Variants in SYT13 observed in about 807,000 individuals in gnomAD.
The protein encoded by SYT13 is synaptotagmin 13, also known as synaptotagmin-13.
In SYT13, 21 loss-of-function variants were observed where a neutral mutation model predicts 38.6. The ratio of observed to expected loss-of-function variants is 0.54; its 90% CI spans 0.39 to 0.78. The LOEUF is 0.78. Among genes scored for constraint, SYT13 ranks in the 30% least tolerant of loss-of-function variants. The pLI is 0.00. For missense variants in SYT13, 495 were observed against 548.7 expected (o/e 0.90, Z 0.98); for synonymous variants, 241 against 237.6 (o/e 1.01, Z -0.13).
At chr11:45,254,473 C>T in intron 2 of SYT13, 69 bp from the exon 3 acceptor site, 2 of 1,557,444 alleles carry the variant, frequency 1.3e-6, no homozygotes, top group Non-Finnish European at 1.7e-6. Flanking sequence ...ACACCTTTCT[C>T]ATCTCTATCA....
rs1327144653 is a variant in SYT13, at chr11:45,243,242, C to G, written c.*810G>C. On this transcript the variant is annotated 3_prime_UTR_variant, in exon 6 of 6. Transcript: ENST00000020926. ...TCAATAAAAAGCACAAAATTCAGTC[C>G]AAGAGCAGGGGGCTTATGAAATGCA... The G allele has an allele frequency of 1.3e-5, 2 of 152,082 alleles. No homozygotes were observed. Among genetic ancestry groups the G allele is most frequent in the Admixed American group, 6.5e-5 (1 of 15,280 alleles). The allele number at this position is 152,082 out of a possible 1,614,324, so 9.4% of individuals were successfully genotyped here.
Position 45,286,118 on chromosome 11 carries a change from A to C in SYT13, c.90T>G (p.Cys30Trp). 6.2e-7 allele frequency: 1 copy of C among 1,602,428 alleles called. No homozygotes were observed. The highest frequency in any genetic ancestry group is 1.3e-5 in the African/African-American group (1 of 75,016). ...GCCCCTTCTTGGGGTGCATGTGCCG[A>C]CACAGGCAGGTGACCCCGCACAACG... ...ILALCGVTCL[C>W]RHMHPKKGLL... Residue 30 changes from cysteine to tryptophan, a missense_variant, in exon 1 of 6, where the codon TGT (cysteine) becomes TGG (tryptophan). Transcript: ENST00000020926.
intron 1 of SYT13, among the ~76,000 whole-genome samples, chr11:45,271,812 C>T (rs1321043374): frequency 6.6e-6 from 1 of 152,096 alleles, no homozygotes; most frequent in African/African-American, 2.4e-5. Flanking sequence ...AGGGAGGAAT[C>T]CAAGAGTGAG....
chr11:45,274,625 A>T (rs1854988061), intron 1 of SYT13, among the ~76,000 whole-genome samples: 1 of 152,206 alleles, frequency 6.6e-6, no homozygotes, highest in African/African-American at 2.4e-5. Context: ...AATAAGCTTA[A>T]AGCTAACAGA....
intron 1 of SYT13, among the ~76,000 whole-genome samples, chr11:45,262,308 G>A (rs1251914831): frequency 6.6e-6 from 1 of 152,210 alleles, no homozygotes; most frequent in Non-Finnish European, 1.5e-5. Context: ...GGATGCCAGA[G>A]GCTGGGGCAG....
rs964635663 is a variant in SYT13 at position 45,241,376 on chromosome 11, T to C, written c.*2676A>G. 5 of 152,146 alleles carry C rather than the reference T, an allele frequency of 3.3e-5. No individual in the cohort carries two copies. Among genetic ancestry groups the C allele is most frequent in the Non-Finnish European group, 5.9e-5 (4 of 68,032 alleles). The allele number at this position is 152,146 out of a possible 1,614,324, so 9.4% of individuals were successfully genotyped here. ...ACAGACAACTCTCCTTCAAAATGTATCTCATTTCTGTAATCCCTGCTAAGT... is the reference window on the plus strand; with the variant it reads ...ACAGACAACTCTCCTTCAAAATGTACCTCATTTCTGTAATCCCTGCTAAGT... On this transcript the variant is annotated 3_prime_UTR_variant, in exon 6 of 6. Coordinates refer to ENST00000020926, the MANE Select transcript of SYT13 (RefSeq NM_020826.3).
Position 45,246,493 on chromosome 11 carries a change from C to A in SYT13, c.866G>T (p.Gly289Val). The A allele has an allele frequency of 6.2e-7, 1 of 1,614,078 alleles. No homozygotes were observed. The part of the protein sequence containing the change: ...TSAKEPSAGA[G>V]EVLLSISYLP... The stretch of plus-strand genomic sequence containing the variant: ...GTAGCTGATGGATAGTAGGACCTCT[C>A]CAGCTCCTGCAGATGGCTCCTGAAA... The change falls in exon 5 of 6, where the codon GGA becomes GTA. Residue 289 changes from glycine to valine, a missense_variant. Transcript: ENST00000020926.
chr11:45,281,123 G>A (rs1419292211), intron 1 of SYT13, among the ~76,000 whole-genome samples: 1 of 151,930 alleles, frequency 6.6e-6, no homozygotes, highest in East Asian at 1.9e-4. Flanking sequence ...TTGAACCCAG[G>A]AGGCAGAGGT....
At chr11:45,281,053 G>A (rs915978692) in intron 1 of SYT13, among the ~76,000 whole-genome samples, 3 of 151,888 alleles carry the variant, frequency 2.0e-5, no homozygotes, top group Admixed American at 6.6e-5. Flanking sequence ...AAGATTAGCC[G>A]GGCATGGTGG....
At chr11:45,255,976 C>A (rs1050915689) in intron 1 of SYT13, 85 bp from the exon 2 acceptor site, 2 of 1,395,540 alleles carry the variant, frequency 1.4e-6, no homozygotes, top group Non-Finnish European at 2.0e-6. Context: ...GGTGAACTGA[C>A]CTGTTGTAGG....
At chr11:45,248,960 G>T (rs934618739) in intron 4 of SYT13, among the ~76,000 whole-genome samples, 1 of 152,078 alleles carries the variant, frequency 6.6e-6, no homozygotes, top group Non-Finnish European at 1.5e-5. Context: ...GGTTTTCCCT[G>T]CCCCTCTCTT....
rs904313628 is a variant in SYT13 at position 45,259,614 on chromosome 11, C to T, written c.184-3723G>A. On this transcript the variant is annotated intron_variant, in intron 1 of 5. Transcript: ENST00000020926. ...ATATCCATTCCCTCTCCCATCTACC[C>T]GCCCTACACAACACCAGGTTGTCTA... 5.3e-5 allele frequency among the ~76,000 whole-genome samples: 8 copies of T among 152,260 alleles called. No homozygotes were observed. The East Asian group carries it at 5.8e-4, about 11-fold the overall frequency.
At chr11:45,250,014 A>G (rs1854653942) in intron 4 of SYT13, among the ~76,000 whole-genome samples, 1 of 152,132 alleles carries the variant, frequency 6.6e-6, no homozygotes, top group African/African-American at 2.4e-5. Flanking sequence ...CAAGTCTGTT[A>G]ACCCATCTGG....
Position 45,243,285 on chromosome 11 carries a change from A to C in SYT13, c.*767T>G, listed in dbSNP as rs867922801. On this transcript the variant is annotated 3_prime_UTR_variant, in exon 6 of 6. Coordinates refer to ENST00000020926, the MANE Select transcript of SYT13 (RefSeq NM_020826.3). ...GAAATGCACAAATTAAAGTATTAAG[A>C]ATTAAAATAATTAAATTAAAAAGCT... is the stretch of plus-strand genomic sequence containing the variant. The C allele has an allele frequency of 6.6e-6, 1 of 152,248 alleles. No homozygotes were observed. The highest frequency in any genetic ancestry group is 6.5e-5 in the Admixed American group (1 of 15,290). 9.4% of individuals were successfully genotyped at this position (152,248 alleles called of 1,614,324 possible).
At position 45,246,371 on chromosome 11, in the gene SYT13, C is replaced by T; in HGVS notation, c.976+12G>A. On this transcript the variant is annotated intron_variant, in intron 5 of 5. Transcript: ENST00000020926. ...TGGAGGGGCCTTGGCCATCCTCTCA[C>T]ATCTCACTCACCCTTCCCCAGGAGC... The T allele has an allele frequency of 1.9e-6, 3 of 1,613,090 alleles. No homozygotes were observed. Among genetic ancestry groups the T allele is most frequent in the Non-Finnish European group, 1.7e-6 (2 of 1,179,604 alleles).
In SYT13 at chr11:45,242,323, C is replaced by T. The variant is rs1854561337; in HGVS notation, c.*1729G>A. 6.6e-6 allele frequency: 1 copy of T among 152,172 alleles called. No individual in the cohort carries two copies. The highest frequency in any genetic ancestry group is 2.4e-5 in the African/African-American group (1 of 41,420). The allele number at this position is 152,172 out of a possible 1,614,324, so 9.4% of individuals were successfully genotyped here. A position where few individuals can be genotyped will look rare whatever the true frequency, so the allele number is the denominator to read the frequency against. On this transcript the variant is annotated 3_prime_UTR_variant, in exon 6 of 6. Transcript: ENST00000020926. Reference sequence around the variant, plus strand: ...GTGGCTCAGGCCTGTAATCCCAGTACTTTGGGAGGCCGAGGAGGGTAGATC... The same window carrying T: ...GTGGCTCAGGCCTGTAATCCCAGTATTTTGGGAGGCCGAGGAGGGTAGATC...
intron 1 of SYT13, among the ~76,000 whole-genome samples, chr11:45,260,497 T>C (rs1320103124): frequency 6.6e-6 from 1 of 152,112 alleles, no homozygotes; most frequent in East Asian, 1.9e-4. Flanking sequence ...GGGAAGGAGG[T>C]GCTCAGGGTA....
At chr11:45,260,672 G>A (rs79145986) in intron 1 of SYT13, among the ~76,000 whole-genome samples, 1,685 of 152,280 alleles carry the variant, frequency 0.011, 32 homozygotes, top group African/African-American at 0.038. Flanking sequence ...GTGGAGACAG[G>A]CATTCAACAA....
In SYT13 at chr11:45,252,348, G is replaced by C; in HGVS notation, c.846+73C>G. The stretch of plus-strand genomic sequence containing the variant: ...GCTTGTTCCCTAAGACTGAGTTGCT[G>C]GGAGGACACCAGGTTCTGCCATCCC... On this transcript the variant is annotated intron_variant, in intron 4 of 5. Coordinates refer to ENST00000020926, the MANE Select transcript of SYT13 (RefSeq NM_020826.3). This position sits in a 1 kb window ranked among gnomAD's most constrained non-coding sequence, Gnocchi z 4.3. 1 of 1,481,744 alleles carries C rather than the reference G, an allele frequency of 6.7e-7. No individual in the cohort carries two copies. The highest frequency in any genetic ancestry group is 9.0e-7 in the Non-Finnish European group (1 of 1,113,590). The allele number at this position is 1,481,744 out of a possible 1,614,324, so 91.8% of individuals were successfully genotyped here.
Sources: gnomAD v4.1 joint callset for allele counts (sites outside exome capture counted in the v4.1 genomes callset) on GRCh38, gnomAD v4.1.1 for gene constraint, Gnocchi (gnomAD v3.1) non-coding constraint, MANE v1.5 for transcripts, NCBI Gene and HGNC (gene_info 2026-07-23, HGNC 2026-07-21) for gene names.